The following ZNF420 variants were observed in gnomAD, a reference collection of about 807,000 sequenced individuals.
ZNF420 encodes the protein zinc finger protein 420.
Under a neutral mutation model 44.7 loss-of-function variants are expected in ZNF420, and 31 were observed. The ratio of observed to expected loss-of-function variants is 0.69; its 90% CI spans 0.52 to 0.94. ZNF420 has a LOEUF of 0.94. Ranked by LOEUF, ZNF420 falls within the 40% of genes least tolerant of loss-of-function variation. ZNF420 has a pLI of 0.00. For synonymous variants in ZNF420, 245 were observed against 267.4 expected, an observed-to-expected ratio of 0.92 and a Z score of 0.82; for missense variants, 681 against 827.9, an observed-to-expected ratio of 0.82 and a Z score of 2.18.
chr19:37,029,570 C>G (rs1417803474), intron 1 of ZNF420, among the ~76,000 whole-genome samples: 1 of 141,208 alleles, frequency 7.1e-6, no homozygotes, highest in Non-Finnish European at 1.5e-5. Context: ...TTTTTTGAAT[C>G]AAAGTCTCGG....
chr19:37,130,097 C>T lies in ZNF420; in HGVS notation c.*1039C>T, dbSNP rs1568486460. 2 of 1,550,318 alleles carry T rather than the reference C, an allele frequency of 1.3e-6. No individual in the cohort carries two copies. Among genetic ancestry groups the T allele is most frequent in the Non-Finnish European group, 1.7e-6 (2 of 1,146,886 alleles). On this transcript the variant is annotated 3_prime_UTR_variant, in exon 5 of 5. Transcript: ENST00000337995. ...TATATGAGTAGGAGATTTACGAAAT[C>T]CATTTTTCCTGTCTTTTTTTCCGTG...
At chr19:37,085,830 A>G (rs1179901446) in intron 2 of ZNF420, among the ~76,000 whole-genome samples, 1 of 151,294 alleles carries the variant, frequency 6.6e-6, no homozygotes, top group Non-Finnish European at 1.5e-5. Context: ...TGGCATGATC[A>G]TAGCTCATTG....
chr19:37,068,736 T>C (rs943749101), intron 1 of ZNF420, among the ~76,000 whole-genome samples: 1 of 152,120 alleles, frequency 6.6e-6, no homozygotes, highest in Non-Finnish European at 1.5e-5. Flanking sequence ...TCAAGAAGTA[T>C]ATTAAGGGAA....
At position 37,127,187 on chromosome 19, in the gene ZNF420, G is replaced by C. The variant is rs1276971488; in HGVS notation, c.196G>C (p.Glu66Gln). Residue 66 changes from glutamate (E) to glutamine (Q), a missense_variant, in exon 5 of 5, where the codon GAA (glutamate) becomes CAA (glutamine). Coordinates refer to ENST00000337995, the MANE Select transcript of ZNF420 (RefSeq NM_144689.5). ...LSPEKNTYET[E>Q]LSQWEMSDRL... ...TCCAGAAAAGAACACTTATGAAACAGAATTATCCCAATGGGAAATGAGTGA... is the reference window on the plus strand; with the variant it reads ...TCCAGAAAAGAACACTTATGAAACACAATTATCCCAATGGGAAATGAGTGA... The C allele has an allele frequency of 6.3e-7, 1 of 1,591,476 alleles. No homozygotes were observed. Among genetic ancestry groups the C allele is most frequent in the South Asian group, 1.1e-5 (1 of 87,492 alleles).
At chr19:37,088,613 C>A (rs1296187377) in intron 2 of ZNF420, among the ~76,000 whole-genome samples, 2 of 152,024 alleles carry the variant, frequency 1.3e-5, no homozygotes, top group Non-Finnish European at 2.9e-5. Context: ...TTCAAAATGT[C>A]AAATATAAAA....
chr19:37,017,857 A>G (rs1360203573), intron 1 of ZNF420, among the ~76,000 whole-genome samples: 2 of 152,206 alleles, frequency 1.3e-5, no homozygotes, highest in Non-Finnish European at 2.9e-5. Context: ...ATCCAAATTG[A>G]AGACAATGAA....
chr19:37,012,760 ATGTCTCTGTGTGTGTGTG>A (rs907698445), intron 1 of ZNF420, among the ~76,000 whole-genome samples: 14 of 102,010 alleles, frequency 1.4e-4, no homozygotes, highest in South Asian at 3.7e-4. Flanking sequence ...CCACTGCTAT[ATGTCTCTGTGTGTGTGTG>A]TGTGTGTGTG....
chr19:37,126,503 T>C (rs1483745970), intron 4 of ZNF420, among the ~76,000 whole-genome samples: 2 of 152,286 alleles, frequency 1.3e-5, no homozygotes, highest in South Asian at 4.1e-4. Context: ...TGGAAGCTAC[T>C]AAAAAGTATT....
chr19:37,088,834 G>A (rs970647083), intron 2 of ZNF420, among the ~76,000 whole-genome samples: 5 of 152,146 alleles, frequency 3.3e-5, no homozygotes, highest in Admixed American at 2.0e-4. Flanking sequence ...TTCAGAAGTA[G>A]TAGAGACATT....
At chr19:37,076,972 A>G (rs1968173177), upstream of ZNF420, among the ~76,000 whole-genome samples, 1 of 152,108 alleles carries the variant, frequency 6.6e-6, no homozygotes. Context: ...TGATCACCAA[A>G]TTTGCTATTC....
At chr19:37,029,578 C>T (rs757770879) in intron 1 of ZNF420, among the ~76,000 whole-genome samples, 3 of 147,680 alleles carry the variant, frequency 2.0e-5, no homozygotes, top group Non-Finnish European at 1.5e-5. Context: ...ATCAAAGTCT[C>T]GGCCTGTCAC....
intron 4 of ZNF420, among the ~76,000 whole-genome samples, chr19:37,120,405 C>T (rs1005706853): frequency 4.6e-5 from 7 of 151,904 alleles, no homozygotes; most frequent in Admixed American, 3.3e-4. Context: ...CAGAAAAGGC[C>T]TTTGACAAAA....
intron 1 of ZNF420, among the ~76,000 whole-genome samples, chr19:37,059,242 C>A (rs868545439): frequency 6.6e-6 from 1 of 150,880 alleles, no homozygotes; most frequent in South Asian, 2.1e-4. Context: ...TCTACTGGAC[C>A]CCGGATCCAG....
chr19:37,046,164 A>G (rs776646409), intron 1 of ZNF420, among the ~76,000 whole-genome samples: 9 of 152,182 alleles, frequency 5.9e-5, no homozygotes, highest in Non-Finnish European at 1.0e-4. Flanking sequence ...ACACAGCCAA[A>G]CCATATCACC....
intron 4 of ZNF420, chr19:37,108,518 G>A (rs1568463749): frequency 6.6e-6 from 1 of 152,156 alleles, no homozygotes; most frequent in Non-Finnish European, 1.5e-5. Context: ...ACTTTGTAAA[G>A]AAACCGTTAG....
chr19:37,021,334 C>T (rs1335029666), intron 1 of ZNF420, among the ~76,000 whole-genome samples: 7 of 151,650 alleles, frequency 4.6e-5, no homozygotes, highest in Admixed American at 4.6e-4. Flanking sequence ...ATGGTGCTAT[C>T]TCTGCTCACC....
intron 1 of ZNF420, among the ~76,000 whole-genome samples, chr19:37,061,521 A>G (rs914514924): frequency 9.2e-5 from 14 of 152,178 alleles, no homozygotes; most frequent in Admixed American, 8.5e-4. Context: ...GGTTTTGGGG[A>G]CAAGTACCAG....
chr19:37,108,408 A>G (rs1184308397), intron 4 of ZNF420: 1 of 152,236 alleles, frequency 6.6e-6, no homozygotes, highest in East Asian at 1.9e-4. Context: ...AGTTGAATCA[A>G]TGCAAGTAAA....
intron 4 of ZNF420, among the ~76,000 whole-genome samples, chr19:37,100,945 G>A (rs1969737667): frequency 6.8e-6 from 1 of 146,232 alleles, no homozygotes; most frequent in African/African-American, 2.5e-5. Context: ...TTTTGTCAAT[G>A]TTTATAGTTC....
Sources: gnomAD v4.1 joint callset for allele counts (sites outside exome capture counted in the v4.1 genomes callset) on GRCh38, gnomAD v4.1.1 for gene constraint, MANE v1.5 for transcripts, NCBI Gene and HGNC (gene_info 2026-07-23, HGNC 2026-07-21) for gene names.